Variants in ACYP2 observed in about 807,000 individuals in gnomAD.
ACYP2 encodes acylphosphatase 2.
ACYP2 carries 12 observed loss-of-function variants against 11.2 expected under a neutral mutation model. That is an observed-to-expected ratio of 1.08 (90% CI 0.69 to 1.74). The LOEUF (loss-of-function observed/expected upper bound fraction) is 1.74, where lower values mean the gene tolerates loss of function less well. Among genes scored for constraint, ACYP2 ranks in the 40% most tolerant of loss-of-function variants. The probability of loss-of-function intolerance (pLI) is 0.00; values close to 1 mark genes in which losing one functional copy is unlikely to be tolerated. For missense variants in ACYP2, 134 were observed against 101.9 expected, an observed-to-expected ratio of 1.31 and a Z score of -1.35; for synonymous variants, 43 against 32.2, an observed-to-expected ratio of 1.33 and a Z score of -1.13.
intron 4 of ACYP2, among the ~76,000 whole-genome samples, chr2:54,100,591 G>A (rs534184187): frequency 5.9e-5 from 9 of 151,848 alleles, no homozygotes; most frequent in Non-Finnish European, 1.3e-4. Flanking sequence ...TTATAGGGAC[G>A]AGTCACCACA....
chr2:54,176,441 C>G (rs929292051), intron 6 of ACYP2, among the ~76,000 whole-genome samples: 2 of 152,190 alleles, frequency 1.3e-5, no homozygotes, highest in East Asian at 1.9e-4. Flanking sequence ...GCTGTCATAC[C>G]AGCTGTGGAC....
intron 4 of ACYP2, among the ~76,000 whole-genome samples, chr2:54,081,658 A>G (rs1054787272): frequency 1.3e-5 from 2 of 152,204 alleles, no homozygotes; most frequent in Admixed American, 6.5e-5. Context: ...GCTATTCACA[A>G]TGTTAACTGA....
chr2:54,109,034 G>C (rs561228059), intron 4 of ACYP2, among the ~76,000 whole-genome samples: 1 of 152,162 alleles, frequency 6.6e-6, no homozygotes, highest in East Asian at 1.9e-4. Context: ...ATATGCTTTA[G>C]TGCTTTGAAA....
chr2:54,137,820 A>G (rs1184915723), intron 5 of ACYP2, among the ~76,000 whole-genome samples: 3 of 152,168 alleles, frequency 2.0e-5, no homozygotes, highest in African/African-American at 4.8e-5. Flanking sequence ...GCCGGGTCAC[A>G]TTGTAGTTCT....
chr2:54,060,654 G>T (rs958559095), intron 4 of ACYP2, among the ~76,000 whole-genome samples: 1 of 152,068 alleles, frequency 6.6e-6, no homozygotes, highest in African/African-American at 2.4e-5. Flanking sequence ...ATTTTATTTT[G>T]GTATGATAGA....
At chr2:54,021,797 C>G (rs899275117) in intron 2 of ACYP2, among the ~76,000 whole-genome samples, 6 of 152,232 alleles carry the variant, frequency 3.9e-5, no homozygotes, top group South Asian at 2.1e-4. Context: ...TATGAGGGAG[C>G]TTTTTATTTT....
chr2:54,179,810 A>G (rs1196552448), intron 6 of ACYP2, among the ~76,000 whole-genome samples: 1 of 152,138 alleles, frequency 6.6e-6, no homozygotes, highest in African/African-American at 2.4e-5. Flanking sequence ...CCTGTGACTT[A>G]GAATGTCTTA....
intron 6 of ACYP2, among the ~76,000 whole-genome samples, chr2:54,165,527 T>TCACACA (rs1409138197): frequency 2.1e-5 from 3 of 140,726 alleles, no homozygotes; most frequent in African/African-American, 8.6e-5. Context: ...TCTCTCTCTC[T>TCACACA]CTCTCTCTCA....
At chr2:54,222,307 T>C (rs952330300) in intron 6 of ACYP2, among the ~76,000 whole-genome samples, 2 of 152,012 alleles carry the variant, frequency 1.3e-5, no homozygotes, top group Non-Finnish European at 2.9e-5. Context: ...CCTAGCACTT[T>C]GGGAGGCCGA....
chr2:53,975,537 C>A (rs540328612), intron 2 of ACYP2, among the ~76,000 whole-genome samples: 2 of 152,044 alleles, frequency 1.3e-5, no homozygotes, highest in Non-Finnish European at 2.9e-5. Context: ...GATAACAGCA[C>A]GTTATCCTTT....
chr2:54,266,246 G>C (rs1218354365), intron 6 of ACYP2, among the ~76,000 whole-genome samples: 2 of 152,276 alleles, frequency 1.3e-5, no homozygotes, highest in East Asian at 3.9e-4. Context: ...GATAAAATAT[G>C]AGTAAACAAG....
chr2:54,277,915 A>G (rs1688677745), intron 6 of ACYP2, among the ~76,000 whole-genome samples: 1 of 152,174 alleles, frequency 6.6e-6, no homozygotes, highest in Admixed American at 6.5e-5. Flanking sequence ...AAATGTACCC[A>G]AAAAGAGAAT....
chr2:54,176,258 C>T (rs1035543047), intron 6 of ACYP2, among the ~76,000 whole-genome samples: 2 of 152,140 alleles, frequency 1.3e-5, no homozygotes, highest in Non-Finnish European at 2.9e-5. Flanking sequence ...TGCATTGTCT[C>T]GGTTATGCCC....
intron 6 of ACYP2, among the ~76,000 whole-genome samples, chr2:54,193,467 C>G (rs1449242490): frequency 6.6e-6 from 1 of 152,050 alleles, no homozygotes; most frequent in Non-Finnish European, 1.5e-5. Flanking sequence ...AGAGCTGACT[C>G]TACCCTCCAT....
chr2:54,051,713 C>A (rs1367214135), intron 3 of ACYP2: 3 of 587,236 alleles, frequency 5.1e-6, no homozygotes, highest in East Asian at 3.5e-5. Context: ...CCTGATGCAG[C>A]AAAAAAAGGA....
chr2:54,303,873 G>C (rs1398658903), intron 6 of ACYP2, among the ~76,000 whole-genome samples: 1 of 152,176 alleles, frequency 6.6e-6, no homozygotes, highest in Admixed American at 6.5e-5. Flanking sequence ...TAAAGTCCCA[G>C]CTAATTAGTA....
At chr2:54,009,648 A>G (rs1673257853) in intron 2 of ACYP2, among the ~76,000 whole-genome samples, 1 of 152,132 alleles carries the variant, frequency 6.6e-6, no homozygotes. Context: ...AGTCAGGAAG[A>G]AATCAAGGCA....
chr2:54,059,392 G>A (rs1676348408), intron 4 of ACYP2, among the ~76,000 whole-genome samples: 1 of 151,946 alleles, frequency 6.6e-6, no homozygotes, highest in South Asian at 2.1e-4. Context: ...CTAATTTTTT[G>A]TATTTTTAGT....
At chr2:54,196,472 A>C (rs1572917996) in intron 6 of ACYP2, among the ~76,000 whole-genome samples, 1 of 152,226 alleles carries the variant, frequency 6.6e-6, no homozygotes, top group South Asian at 2.1e-4. Context: ...ACAGACCTCC[A>C]GCCAAGATTT....
Sources: allele counts gnomAD v4.1 joint callset (sites outside exome capture counted in the v4.1 genomes callset), GRCh38; gene constraint gnomAD v4.1.1; transcripts MANE v1.5; gene names NCBI Gene and HGNC (gene_info 2026-07-23, HGNC 2026-07-21).